The following CTNNA3 variants were observed in gnomAD, a reference collection of about 807,000 sequenced individuals.
CTNNA3 encodes the protein catenin alpha 3.
Under a neutral mutation model 95.7 loss-of-function variants are expected in CTNNA3, and 76 were observed. The ratio of observed to expected loss-of-function variants is 0.79; its 90% CI spans 0.66 to 0.96. CTNNA3 has a LOEUF of 0.96. Ranked by LOEUF, CTNNA3 falls within the 40% of genes least tolerant of loss-of-function variation. CTNNA3 has a pLI of 0.00. For missense variants in CTNNA3, 1,191 were observed against 1,089.8 expected (o/e 1.09, Z -1.31); for synonymous variants, 431 against 374.4 (o/e 1.15, Z -1.74).
intron 11 of CTNNA3, among the ~76,000 whole-genome samples, chr10:66,417,270 C>T (rs1335599390): frequency 6.6e-6 from 1 of 151,698 alleles, no homozygotes; most frequent in Non-Finnish European, 1.5e-5. Context: ...GACTTGAAGC[C>T]AAAAACAGTA....
upstream of CTNNA3, among the ~76,000 whole-genome samples, chr10:67,697,574 C>A (rs1039725135): frequency 6.6e-6 from 1 of 152,148 alleles, no homozygotes; most frequent in East Asian, 1.9e-4. Flanking sequence ...TTATTCTTTT[C>A]ATTTGCTTTT....
intron 3 of CTNNA3, among the ~76,000 whole-genome samples, chr10:67,579,559 G>A (rs892713472): frequency 6.6e-6 from 1 of 152,076 alleles, no homozygotes; most frequent in Non-Finnish European, 1.5e-5. Context: ...GATCCTTTGG[G>A]TATATACCCA....
intron 1 of CTNNA3, among the ~76,000 whole-genome samples, chr10:67,649,996 C>T (rs1308026568): frequency 6.6e-6 from 1 of 152,146 alleles, no homozygotes; most frequent in Non-Finnish European, 1.5e-5. Context: ...TGCACCTCCA[C>T]GCCTGGCTAA....
At chr10:66,231,228 C>G (rs1483076206) in intron 13 of CTNNA3, among the ~76,000 whole-genome samples, 1 of 152,100 alleles carries the variant, frequency 6.6e-6, no homozygotes, top group African/African-American at 2.4e-5. Context: ...TCTTGCTTTT[C>G]TTTTTTCTGC....
intron 5 of CTNNA3, among the ~76,000 whole-genome samples, chr10:67,306,403 G>T (rs1840554880): frequency 6.6e-6 from 1 of 152,130 alleles, no homozygotes; most frequent in Non-Finnish European, 1.5e-5. Flanking sequence ...ATAAAGTTAT[G>T]CAAGTTGCAA....
At chr10:66,152,044 T>C (rs940813420) in intron 13 of CTNNA3, among the ~76,000 whole-genome samples, 1 of 151,990 alleles carries the variant, frequency 6.6e-6, no homozygotes, top group African/African-American at 2.4e-5. Context: ...TCATATTGTA[T>C]CTATGCTTAT....
At chr10:67,034,676 C>A (rs868298561) in intron 7 of CTNNA3, among the ~76,000 whole-genome samples, 1 of 152,154 alleles carries the variant, frequency 6.6e-6, no homozygotes, top group African/African-American at 2.4e-5. Context: ...CTTTCTCAAA[C>A]GAACTTATTT....
chr10:66,992,460 T>C (rs1331162601), intron 7 of CTNNA3, among the ~76,000 whole-genome samples: 2 of 152,032 alleles, frequency 1.3e-5, no homozygotes, highest in Non-Finnish European at 2.9e-5. Flanking sequence ...CTTAGTATTA[T>C]CTGAATAAAA....
intron 7 of CTNNA3, among the ~76,000 whole-genome samples, chr10:67,165,478 A>G (rs1455938075): frequency 6.6e-6 from 1 of 152,166 alleles, no homozygotes; most frequent in East Asian, 1.9e-4. Flanking sequence ...AAACCCATAT[A>G]TGTGATAAAA....
At chr10:67,191,054 A>G (rs1443324874) in intron 6 of CTNNA3, among the ~76,000 whole-genome samples, 3 of 152,120 alleles carry the variant, frequency 2.0e-5, no homozygotes, top group Non-Finnish European at 4.4e-5. Flanking sequence ...CACATCTATT[A>G]GAATGGCCAA....
chr10:66,124,090 ATTGTCAGGCTACACAT>A (rs2082711075), intron 13 of CTNNA3, among the ~76,000 whole-genome samples: 1 of 152,048 alleles, frequency 6.6e-6, no homozygotes, highest in Admixed American at 6.6e-5. Flanking sequence ...TTTCTATCGC[ATTGTCAGGCTACACAT>A]TTTCTGAACT....
intron 11 of CTNNA3, among the ~76,000 whole-genome samples, chr10:66,491,442 T>C (rs903464177): frequency 2.6e-5 from 4 of 152,210 alleles, no homozygotes; most frequent in Admixed American, 6.5e-5. Context: ...AAGAAGCCTA[T>C]GAACTTTTAA....
intron 17 of CTNNA3, among the ~76,000 whole-genome samples, chr10:65,942,986 C>T (rs1048428816): frequency 1.3e-4 from 19 of 151,822 alleles, no homozygotes; most frequent in African/African-American, 4.3e-4. Context: ...AAAACATTTT[C>T]CGATATATAA....
At chr10:66,125,982 A>C (rs2082813314) in intron 13 of CTNNA3, among the ~76,000 whole-genome samples, 1 of 152,176 alleles carries the variant, frequency 6.6e-6, no homozygotes, top group African/African-American at 2.4e-5. Context: ...AGTAAACCTC[A>C]ATTATGTAAG....
chr10:67,404,915 T>C (rs982285741), intron 5 of CTNNA3, among the ~76,000 whole-genome samples: 50 of 152,220 alleles, frequency 3.3e-4, no homozygotes, highest in African/African-American at 1.2e-3. Flanking sequence ...ATTCAACATT[T>C]TTAAAGAAAA....
At chr10:65,960,038 T>A (rs867320282) in intron 17 of CTNNA3, among the ~76,000 whole-genome samples, 1 of 152,176 alleles carries the variant, frequency 6.6e-6, no homozygotes, top group Non-Finnish European at 1.5e-5. Context: ...GTGATTGAGA[T>A]GTGGACATCC....
intron 12 of CTNNA3, among the ~76,000 whole-genome samples, chr10:66,280,954 T>C (rs2091481274): frequency 6.6e-6 from 1 of 151,890 alleles, no homozygotes; most frequent in Admixed American, 6.6e-5. Flanking sequence ...CAATCATTTC[T>C]CATCCTATTC....
intron 7 of CTNNA3, among the ~76,000 whole-genome samples, chr10:67,138,095 T>C (rs1343110065): frequency 1.3e-5 from 2 of 152,108 alleles, no homozygotes; most frequent in African/African-American, 4.8e-5. Context: ...ATTGTTTATT[T>C]TTTCCCTTTC....
At chr10:66,781,526 T>G (rs1396742582) in intron 7 of CTNNA3, among the ~76,000 whole-genome samples, 1 of 152,200 alleles carries the variant, frequency 6.6e-6, no homozygotes, top group Non-Finnish European at 1.5e-5. Flanking sequence ...TGATGGGGCA[T>G]GCTAAATGAT....
Sources: gnomAD v4.1 joint callset for allele counts (sites outside exome capture counted in the v4.1 genomes callset) on GRCh38, gnomAD v4.1.1 for gene constraint, MANE v1.5 for transcripts, NCBI Gene and HGNC (gene_info 2026-07-23, HGNC 2026-07-21) for gene names.